Variants in LRRC7 observed in about 807,000 individuals in gnomAD.
LRRC7 encodes leucine rich repeat containing 7.
LRRC7 carries 23 observed loss-of-function variants against 175.7 expected under a neutral mutation model. The ratio of observed to expected loss-of-function variants is 0.13; its 90% CI spans 0.09 to 0.19. The LOEUF (loss-of-function observed/expected upper bound fraction) is 0.19. Ranked by LOEUF, LRRC7 falls within the 10% of genes least tolerant of loss-of-function variation. LRRC7 has a pLI of 1.00. For missense variants in LRRC7, 1,354 were observed against 1,904.7 expected (o/e 0.71, Z 5.38); for synonymous variants, 685 against 680.9 (o/e 1.01, Z -0.09).
intron 26 of LRRC7, among the ~76,000 whole-genome samples, chr1:70,114,472 G>T (rs1665722858): frequency 2.0e-5 from 3 of 152,100 alleles, no homozygotes; most frequent in African/African-American, 2.4e-5. Context: ...AGGATTGCTT[G>T]AGGCCAGGAG....
At chr1:69,867,864 C>G (rs1685108917) in intron 7 of LRRC7, among the ~76,000 whole-genome samples, 1 of 151,904 alleles carries the variant, frequency 6.6e-6, no homozygotes, top group Admixed American at 6.6e-5. Flanking sequence ...AGGACAGGTA[C>G]TAGATTAAAA....
At chr1:69,575,044 T>A (rs1324605202) in intron 1 of LRRC7, among the ~76,000 whole-genome samples, 1 of 152,136 alleles carries the variant, frequency 6.6e-6, no homozygotes, top group African/African-American at 2.4e-5. Flanking sequence ...ACAACACATA[T>A]GCACACACAA....
intron 2 of LRRC7, among the ~76,000 whole-genome samples, chr1:69,688,644 T>TAA (rs1467861015): frequency 5.0e-5 from 7 of 139,008 alleles, no homozygotes; most frequent in African/African-American, 1.4e-4. Flanking sequence ...TTTTTTTTTT[T>TAA]TAAAAAAAAC....
At chr1:69,571,460 C>T (rs1175098765) in intron 1 of LRRC7, among the ~76,000 whole-genome samples, 7 of 151,962 alleles carry the variant, frequency 4.6e-5, no homozygotes, top group African/African-American at 1.5e-4. Flanking sequence ...CAAAAAATCA[C>T]GAAGATATAA....
chr1:70,054,535 A>G (rs1660982174), intron 23 of LRRC7, among the ~76,000 whole-genome samples: 1 of 146,270 alleles, frequency 6.8e-6, no homozygotes. Flanking sequence ...TATTGCTGGA[A>G]CTGTTCTAAT....
intron 7 of LRRC7, chr1:69,919,273 G>A (rs1035238958): frequency 4.1e-6 from 2 of 491,206 alleles, no homozygotes; most frequent in Admixed American, 3.3e-5. Context: ...GCAGCCAAAT[G>A]TATTTGCTAG....
chr1:69,580,590 TAGG>T (rs1481446080), intron 1 of LRRC7, among the ~76,000 whole-genome samples: 9 of 152,166 alleles, frequency 5.9e-5, no homozygotes, highest in Non-Finnish European at 1.3e-4. Context: ...TGTATATTGT[TAGG>T]AGAACTTTTA....
intron 5 of LRRC7, among the ~76,000 whole-genome samples, chr1:69,832,251 G>T (rs914258212): frequency 1.4e-4 from 22 of 152,072 alleles, no homozygotes; most frequent in Admixed American, 1.3e-4. Flanking sequence ...GGGAGCAGAG[G>T]TATTTATATT....
At chr1:69,658,110 T>C (rs1656920173) in intron 1 of LRRC7, among the ~76,000 whole-genome samples, 1 of 151,874 alleles carries the variant, frequency 6.6e-6, no homozygotes, top group African/African-American at 2.4e-5. Flanking sequence ...AAAACTAGGG[T>C]TAACAGAAGT....
intron 2 of LRRC7, among the ~76,000 whole-genome samples, chr1:69,749,860 G>A (rs895560400): frequency 6.6e-6 from 1 of 151,650 alleles, no homozygotes; most frequent in Non-Finnish European, 1.5e-5. Flanking sequence ...TCAGGAGATC[G>A]AGACCATCTT....
intron 1 of LRRC7, among the ~76,000 whole-genome samples, chr1:69,651,999 A>G (rs188812598): frequency 1.3e-5 from 2 of 152,232 alleles, no homozygotes; most frequent in Admixed American, 1.3e-4. Context: ...TTCAGGAGGA[A>G]AGGAGAGGAG....
At chr1:69,712,137 C>T (rs1557633457) in intron 2 of LRRC7, among the ~76,000 whole-genome samples, 2 of 152,054 alleles carry the variant, frequency 1.3e-5, no homozygotes, top group Non-Finnish European at 2.9e-5. Flanking sequence ...TATAAGTTAT[C>T]TCATAAAGTC....
chr1:70,045,354 C>A (rs1217382759), intron 22 of LRRC7, among the ~76,000 whole-genome samples: 1 of 152,008 alleles, frequency 6.6e-6, no homozygotes, highest in Non-Finnish European at 1.5e-5. Context: ...TTCAAGGTAC[C>A]AACTTAATGT....
chr1:69,920,561 T>C (rs189394349), intron 7 of LRRC7, among the ~76,000 whole-genome samples: 13 of 152,274 alleles, frequency 8.5e-5, no homozygotes, highest in Admixed American at 3.3e-4. Context: ...TTTCTTTTAA[T>C]AAAATTAGTT....
intron 14 of LRRC7, among the ~76,000 whole-genome samples, chr1:70,017,763 A>C (rs2101966603): frequency 6.6e-6 from 1 of 152,292 alleles, no homozygotes; most frequent in South Asian, 2.1e-4. Context: ...GTCAAAAATT[A>C]GTAATTCAAA....
chr1:69,683,291 A>C (rs1335669492), intron 2 of LRRC7, among the ~76,000 whole-genome samples: 1 of 152,106 alleles, frequency 6.6e-6, no homozygotes. Context: ...TCTGTTCAGA[A>C]ATCACCTTTG....
intron 1 of LRRC7, among the ~76,000 whole-genome samples, chr1:69,597,782 G>A (rs1343645940): frequency 2.0e-5 from 3 of 152,132 alleles, no homozygotes; most frequent in Admixed American, 6.5e-5. Flanking sequence ...GGCCATTTAC[G>A]TGTAACTTCA....
chr1:69,708,601 C>T (rs1447839610), intron 2 of LRRC7, among the ~76,000 whole-genome samples: 1 of 152,144 alleles, frequency 6.6e-6, no homozygotes, highest in African/African-American at 2.4e-5. Context: ...CAATTCTAAA[C>T]ATCTATTTAG....
At chr1:70,022,786 A>G (rs1054348028) in intron 16 of LRRC7, among the ~76,000 whole-genome samples, 2 of 152,178 alleles carry the variant, frequency 1.3e-5, no homozygotes, top group Non-Finnish European at 2.9e-5. Context: ...GGTTCATTAC[A>G]TGTACATTAA....
Sources: gnomAD v4.1 joint callset for allele counts (sites outside exome capture counted in the v4.1 genomes callset) on GRCh38, gnomAD v4.1.1 for gene constraint, MANE v1.5 for transcripts, NCBI Gene and HGNC (gene_info 2026-07-23, HGNC 2026-07-21) for gene names.